The following ZNF436 variants were observed in gnomAD, a reference collection of about 807,000 sequenced individuals.
ZNF436 encodes DNA-binding protein.
ZNF436 carries 22 observed loss-of-function variants against 41.9 expected under a neutral mutation model. The observed-to-expected ratio is 0.53, with a 90% CI of 0.38 to 0.75. The LOEUF (loss-of-function observed/expected upper bound fraction) is 0.75. Ranked by LOEUF, ZNF436 falls within the 30% of genes least tolerant of loss-of-function variation. ZNF436 has a pLI of 0.00. For missense variants in ZNF436, 506 were observed against 587.3 expected (o/e 0.86, Z 1.43); for synonymous variants, 217 against 197.8 (o/e 1.10, Z -0.82).
At position 23,368,047 on chromosome 1, in the gene ZNF436, A is replaced by G. The variant is rs1638401084; in HGVS notation, c.-42T>C. The G allele has an allele frequency of 3.1e-6, 5 of 1,612,898 alleles. No homozygotes were observed. Among genetic ancestry groups the G allele is most frequent in the Non-Finnish European group, 3.4e-6 (4 of 1,179,292 alleles). ...CGCCTCCAGGGAGAGAGAGCAGGAAAAGCAGCTAGCAGACAGCGCTGAAGG... is the reference window on the plus strand; with the variant it reads ...CGCCTCCAGGGAGAGAGAGCAGGAAGAGCAGCTAGCAGACAGCGCTGAAGG... On this transcript the variant is annotated 5_prime_UTR_variant, in exon 2 of 4. Coordinates refer to ENST00000314011, the MANE Select transcript of ZNF436 (RefSeq NM_001077195.2).
At chr1:23,364,004 C>T (rs920061100) in intron 3 of ZNF436, among the ~76,000 whole-genome samples, 33 of 151,762 alleles carry the variant, frequency 2.2e-4, no homozygotes, top group Non-Finnish European at 3.4e-4. Context: ...ATTGTGCCAC[C>T]GCACACCAAT....
At chr1:23,364,497 C>T (rs914312082) in intron 3 of ZNF436, among the ~76,000 whole-genome samples, 5 of 152,178 alleles carry the variant, frequency 3.3e-5, no homozygotes, top group African/African-American at 1.2e-4. Context: ...CTCAGCCTCC[C>T]AAACTGCTAG....
chr1:23,367,880 C>G, intron 2 of ZNF436, 93 bp downstream of exon 2: 2 of 1,442,936 alleles, frequency 1.4e-6, no homozygotes, highest in South Asian at 2.3e-5. Flanking sequence ...ATTACTAATC[C>G]CAGGGAATTT....
At position 23,367,917 on chromosome 1, in the gene ZNF436, A is replaced by C. The variant is rs1161321013; in HGVS notation, c.33+56T>G. On this transcript the variant is annotated intron_variant, in intron 2 of 3. Transcript: ENST00000314011. ...CCACAGGGACTTGCAGAGCAGAGAA[A>C]CGCCGGACGAGGTGGGTAAGCAGAG... The C allele has an allele frequency of 6.9e-6, 11 of 1,601,038 alleles. No individual in the cohort carries two copies. The African/African-American group carries it at 1.5e-4, about 21-fold the overall frequency.
intron 3 of ZNF436, among the ~76,000 whole-genome samples, chr1:23,365,917 C>CAAAAA (rs10634507): frequency 5.1e-5 from 5 of 97,958 alleles, no homozygotes; most frequent in South Asian, 3.7e-4. Context: ...GATCCTGTCT[C>CAAAAA]AAAAAAAAAA....
Position 23,362,512 on chromosome 1 carries a change from T to A in ZNF436, c.870A>T (p.Arg290Ser). 6.2e-7 allele frequency: 1 copy of A among 1,612,936 alleles called. No individual in the cohort carries two copies. Among genetic ancestry groups the A allele is most frequent in the Non-Finnish European group, 8.5e-7 (1 of 1,179,722 alleles). Residue 290 changes from arginine (R) to serine (S), a missense_variant, in exon 4 of 4, where the codon AGA becomes AGT. This residue lies in a region of ZNF436 where 278 missense variants were observed against 372.1 expected (regional missense o/e 0.75). Transcript: ENST00000314011. ...CTCGATAGTGTTTGATGAGATCAGA[T>A]CTCTCACTGAAGCCTCGGCCACATT... ...CNECGRGFSE[R>S]SDLIKHYRVH... is the part of the protein sequence containing the mutation.
chr1:23,361,799 T>G lies in ZNF436; in HGVS notation c.*170A>C, dbSNP rs1638236484. 1.5e-6 allele frequency: 1 copy of G among 649,018 alleles called. No homozygotes were observed. Among genetic ancestry groups the G allele is most frequent in the African/African-American group, 1.8e-5 (1 of 54,474 alleles). 40.2% of individuals were successfully genotyped at this position (649,018 alleles called of 1,614,324 possible). On this transcript the variant is annotated 3_prime_UTR_variant, in exon 4 of 4. Transcript: ENST00000314011. ...ATCACCATTTTGGAGGAGATAACAT[T>G]CCCAAAGCTGAGGGTCAGAATTTCA...
chr1:23,363,091 T>C lies in ZNF436; in HGVS notation c.291A>G (p.Glu97=). Residue 97 remains glutamate (E), a synonymous_variant, in exon 4 of 4, where the codon GAA becomes GAG. Coordinates refer to ENST00000314011, the MANE Select transcript of ZNF436 (RefSeq NM_001077195.2). ...ATTGTCTTTCTGACCTATCTCCGCT[T>C]TCAAAGCCCTCTTCACTTTCAGGAT... ...EENPESEEGF[E]SGDRSERQWG... 1 of 1,614,216 alleles carries C rather than the reference T, an allele frequency of 6.2e-7. No individual in the cohort carries two copies. The highest frequency in any genetic ancestry group is 2.2e-5 in the East Asian group (1 of 44,884).
Position 23,363,438 on chromosome 1 carries a change from G to A in ZNF436, c.161-217C>T, listed in dbSNP as rs111715555. Among the ~76,000 whole-genome samples, 29 of 152,080 alleles carry A rather than the reference G, an allele frequency of 1.9e-4. No homozygotes were observed. The East Asian group carries it at 4.4e-3, about 23-fold the overall frequency. On this transcript the variant is annotated intron_variant, in intron 3 of 3. Transcript: ENST00000314011. ...TGAGTAGCTGGGACTACAGGTGCAC[G>A]CCACCATGCCCGGCTAATTTTTTTA...
Position 23,360,001 on chromosome 1 carries a change from A to AACC in ZNF436, c.*1965_*1967dup, listed in dbSNP as rs1486627501. On this transcript the variant is annotated 3_prime_UTR_variant, in exon 4 of 4. Transcript: ENST00000314011. ...ACAGGAGAACTTTGACATTTATTAA[A>AACC]ACCATCAGCAACATATATGAGAAAA... The AACC allele has an allele frequency of 2.0e-5, 3 of 152,640 alleles. No homozygotes were observed. Among genetic ancestry groups the AACC allele is most frequent in the Non-Finnish European group, 4.4e-5 (3 of 68,044 alleles). The allele number at this position is 152,640 out of a possible 1,614,324, so 9.5% of individuals were successfully genotyped here.
chr1:23,368,216 T>G, intron 1 of ZNF436, 151 bp from the exon 2 acceptor site: 1 of 587,454 alleles, frequency 1.7e-6, no homozygotes, highest in Non-Finnish European at 3.0e-6. Flanking sequence ...ACCCGCCCTC[T>G]GCGTCTCCGC....
Position 23,362,696 on chromosome 1 carries a change from T to C in ZNF436, c.686A>G (p.Lys229Arg). The change falls in exon 4 of 4, where the codon AAA becomes AGA. Residue 229 changes from lysine to arginine, a missense_variant. Lys to Arg is a conservative substitution (Grantham distance 26, BLOSUM62 2). Transcript: ENST00000314011. ...EKPHKCNECGKSFCRLSHLIQ... is the reference protein window; with the variant it reads ...EKPHKCNECGRSFCRLSHLIQ... ...TAGGTGAGAGAGACGGCAGAAACTT[T>C]TTCCACACTCATTACATTTGTGAGG... 1.9e-6 allele frequency: 3 copies of C among 1,613,964 alleles called. No homozygotes were observed. Among genetic ancestry groups the C allele is most frequent in the Non-Finnish European group, 2.5e-6 (3 of 1,179,956 alleles).
In ZNF436 at chr1:23,367,537, T is replaced by C. The variant is rs772521107; in HGVS notation, c.34-369A>G. ...GGTCCCGCTGCAGTACTAACTGTTC[T>C]TCAATGCCCCCTACCCCTCTGCACG... On this transcript the variant is annotated intron_variant, in intron 2 of 3. Coordinates refer to ENST00000314011, the MANE Select transcript of ZNF436 (RefSeq NM_001077195.2). 1.4e-4 allele frequency among the ~76,000 whole-genome samples: 22 copies of C among 152,224 alleles called. 1 individual carries two copies. The highest frequency in any genetic ancestry group is 2.1e-4 in the South Asian group (1 of 4,834).
chr1:23,363,093 C>G lies in ZNF436; in HGVS notation c.289G>C (p.Glu97Gln), dbSNP rs150500196. The change falls in exon 4 of 4, where the codon GAA (glutamate) becomes CAA (glutamine). Residue 97 changes from glutamate (E) to glutamine (Q), a missense_variant. Physicochemically the swap from Glu to Gln is conservative, Grantham distance 29. Around this residue, in one of 2 missense-constraint regions of ZNF436, gnomAD observed 228 missense variants for 215.1 expected, o/e 1.06. Transcript: ENST00000314011. ...TGTCTTTCTGACCTATCTCCGCTTT[C>G]AAAGCCCTCTTCACTTTCAGGATTT... ...EENPESEEGF[E>Q]SGDRSERQWG... 1.2e-6 allele frequency: 2 copies of G among 1,614,094 alleles called. No individual in the cohort carries two copies. Among genetic ancestry groups the G allele is most frequent in the African/African-American group, 2.7e-5 (2 of 74,922 alleles).
rs1279337019 is a variant in ZNF436, at chr1:23,369,756, C to T, written c.-451G>A. 1.1e-5 allele frequency: 4 copies of T among 364,170 alleles called. No individual in the cohort carries two copies. Among genetic ancestry groups the T allele is most frequent in the Non-Finnish European group, 2.3e-5 (4 of 173,964 alleles). 22.6% of individuals were successfully genotyped at this position (364,170 alleles called of 1,614,324 possible). A position where few individuals can be genotyped will look rare whatever the true frequency, so the allele number is the denominator to read the frequency against. On this transcript the variant is annotated 5_prime_UTR_variant, in exon 1 of 4. Transcript: ENST00000314011. ...CCCCAGCCAGGATGAGGGAATTAGA[C>T]AATGGAAGTCGAGCACTGGGGAAAG...
At position 23,367,215 on chromosome 1, in the gene ZNF436, T is replaced by G; in HGVS notation, c.34-47A>C. ...CTACTATTCTGTATTTAGGACTTCT[T>G]GAAATTAGAAACATGATTAGAAATA... is the stretch of plus-strand genomic sequence containing the variant. On this transcript the variant is annotated intron_variant, in intron 2 of 3. Transcript: ENST00000314011. 3 of 1,530,936 alleles carry G rather than the reference T, an allele frequency of 2.0e-6. No homozygotes were observed. In the South Asian group the frequency reaches 3.7e-5, roughly 19 times the overall value. 94.8% of individuals were successfully genotyped at this position (1,530,936 alleles called of 1,614,324 possible). A position where few individuals can be genotyped will look rare whatever the true frequency, so the allele number is the denominator to read the frequency against.
intron 3 of ZNF436, among the ~76,000 whole-genome samples, 195 bp downstream of exon 3, chr1:23,366,847 G>A (rs1033731974): frequency 6.6e-6 from 1 of 152,210 alleles, no homozygotes; most frequent in African/African-American, 2.4e-5. Context: ...AAGACGTGCA[G>A]AAGCAGTTTT....
At chr1:23,368,984 T>G (rs1425966693) in intron 1 of ZNF436, 2 of 156,562 alleles carry the variant, frequency 1.3e-5, no homozygotes, top group Non-Finnish European at 2.8e-5. Context: ...GGGAGTGCGG[T>G]CGGCAGTAGA....
chr1:23,366,521 T>G (rs1185788624), intron 3 of ZNF436, among the ~76,000 whole-genome samples: 2 of 152,230 alleles, frequency 1.3e-5, no homozygotes, highest in East Asian at 3.8e-4. Context: ...TCAGCATTCT[T>G]CTGGAACAGC....
Sources: gnomAD v4.1 joint callset for allele counts (sites outside exome capture counted in the v4.1 genomes callset) on GRCh38, gnomAD v4.1.1 for gene constraint, gnomAD v4.1.1 regional missense constraint, MANE v1.5 for transcripts, NCBI Gene and HGNC (gene_info 2026-07-23, HGNC 2026-07-21) for gene names.